TMEM120B: variants seen among roughly 807,000 people sequenced by gnomAD.
The protein encoded by TMEM120B is transmembrane protein 120B.
In TMEM120B, 31 loss-of-function variants were observed where a neutral mutation model predicts 55.5. That is an observed-to-expected ratio of 0.56 (90% CI 0.42 to 0.75). TMEM120B has a LOEUF of 0.75. Among genes scored for constraint, TMEM120B ranks in the 30% least tolerant of loss-of-function variants. The pLI is 0.00. For missense variants in TMEM120B, 399 were observed against 425.5 expected (o/e 0.94, Z 0.55); for synonymous variants, 203 against 176.3 (o/e 1.15, Z -1.20).
At position 121,781,271 on chromosome 12, in the gene TMEM120B, G is replaced by T; in HGVS notation, c.*5549G>T. ...TGACGGGTGAAGGGGAAGGGGCCAGGCAAGTGACCCTGCCTTAGGGCCTCA... is the reference window on the plus strand; with the variant it reads ...TGACGGGTGAAGGGGAAGGGGCCAGTCAAGTGACCCTGCCTTAGGGCCTCA... On this transcript the variant is annotated 3_prime_UTR_variant, in exon 12 of 12. Coordinates refer to ENST00000449592, the MANE Select transcript of TMEM120B (RefSeq NM_001080825.2). 7.6e-7 allele frequency: 1 copy of T among 1,319,838 alleles called. No homozygotes were observed. Among genetic ancestry groups the T allele is most frequent in the Non-Finnish European group, 1.1e-6 (1 of 929,050 alleles). The allele number at this position is 1,319,838 out of a possible 1,614,324, so 81.8% of individuals were successfully genotyped here. A position where few individuals can be genotyped will look rare whatever the true frequency, so the allele number is the denominator to read the frequency against.
In TMEM120B at chr12:121,770,099, G is replaced by A. The variant is rs373659760; in HGVS notation, c.552-808G>A. Among the ~76,000 whole-genome samples the A allele has an allele frequency of 3.9e-5, 6 of 152,268 alleles. No homozygotes were observed. The East Asian group carries it at 9.7e-4, about 25-fold the overall frequency. On this transcript the variant is annotated intron_variant, in intron 6 of 11. Coordinates refer to ENST00000449592, the MANE Select transcript of TMEM120B (RefSeq NM_001080825.2). Reference sequence around the variant, plus strand: ...AAGGCCCTGGGTGAGCCCGCTGGGTGTAGCTGTAGGAAGTACCGCCCGCCG... The same window carrying A: ...AAGGCCCTGGGTGAGCCCGCTGGGTATAGCTGTAGGAAGTACCGCCCGCCG...
intron 1 of TMEM120B, among the ~76,000 whole-genome samples, chr12:121,742,735 G>A (rs149627458): frequency 0.017 from 2,531 of 152,098 alleles, 41 homozygotes; most frequent in South Asian, 0.045. Context: ...ACAGACGCCC[G>A]CCTGGCTAAT....
chr12:121,719,648 C>T (rs553137371), intron 1 of TMEM120B, among the ~76,000 whole-genome samples: 63 of 151,892 alleles, frequency 4.1e-4, no homozygotes, highest in African/African-American at 1.4e-3. Flanking sequence ...AAATTGCTAA[C>T]GGGGGTAGTT....
At chr12:121,723,572 G>C (rs951083450) in intron 1 of TMEM120B, among the ~76,000 whole-genome samples, 2 of 152,138 alleles carry the variant, frequency 1.3e-5, no homozygotes, top group South Asian at 2.1e-4. Context: ...AGATACCCCA[G>C]CCTCTCTCTT....
chr12:121,747,097 G>T (rs921900996), intron 2 of TMEM120B, among the ~76,000 whole-genome samples: 3 of 152,240 alleles, frequency 2.0e-5, no homozygotes, highest in Admixed American at 6.5e-5. Context: ...GCTATTGTCT[G>T]TGAGGTAGGC....
intron 5 of TMEM120B, among the ~76,000 whole-genome samples, chr12:121,760,544 T>C (rs1385578151): frequency 6.6e-6 from 1 of 152,180 alleles, no homozygotes; most frequent in Non-Finnish European, 1.5e-5. Flanking sequence ...ATCCTTCCCT[T>C]TGCCAGTGGA....
Position 121,772,085 on chromosome 12 carries a change from TTC to T in TMEM120B, c.679+550_679+551del, listed in dbSNP as rs138202551. ...TTCCTTTCTTTTTCTTTCTTTCTCTTTCTCTCTCTCTCTCTTTCTCTCTTTCT... is the reference window on the plus strand; with the variant it reads ...TTCCTTTCTTTTTCTTTCTTTCTCTTTCTCTCTCTCTCTTTCTCTCTTTCT... On this transcript the variant is annotated intron_variant, in intron 8 of 11. Transcript: ENST00000449592. Among the ~76,000 whole-genome samples, 11 of 141,744 alleles carry T rather than the reference TTC, an allele frequency of 7.8e-5. No individual in the cohort carries two copies. In the South Asian group the frequency reaches 8.9e-4, roughly 12 times the overall value. 93.0% of individuals were successfully genotyped at this position (141,744 alleles called of 152,430 possible).
intron 1 of TMEM120B, among the ~76,000 whole-genome samples, chr12:121,729,600 G>A (rs1894957268): frequency 1.3e-5 from 2 of 151,146 alleles, no homozygotes; most frequent in African/African-American, 4.9e-5. Flanking sequence ...CAGCCCAGGA[G>A]TTGGAGATCA....
intron 6 of TMEM120B, among the ~76,000 whole-genome samples, chr12:121,762,227 C>T (rs373310995): frequency 3.4e-4 from 51 of 150,808 alleles, no homozygotes; most frequent in African/African-American, 2.9e-4. Context: ...GAGCTGAGAT[C>T]GCACCATTGC....
chr12:121,757,378 G>C (rs1384624020), intron 5 of TMEM120B, among the ~76,000 whole-genome samples: 2 of 151,934 alleles, frequency 1.3e-5, no homozygotes, highest in African/African-American at 4.8e-5. Flanking sequence ...GTCTCACTCT[G>C]TCTCCGAGGC....
chr12:121,771,518 C>A lies in TMEM120B; in HGVS notation c.648C>A (p.Arg216=), dbSNP rs1482188683. Reference sequence around the variant, plus strand: ...ATGGACCCATTTATCAGAAGTTTCGCAACCAGTTCTTAGCATTTTCCATTT... The same window carrying A: ...ATGGACCCATTTATCAGAAGTTTCGAAACCAGTTCTTAGCATTTTCCATTT... The part of the protein sequence containing the change: ...WPNGPIYQKF[R]NQFLAFSIFQ... Residue 216 remains arginine, a synonymous_variant, in exon 8 of 12, where the codon CGC becomes CGA. Transcript: ENST00000449592. 3 of 1,614,114 alleles carry A rather than the reference C, an allele frequency of 1.9e-6. No homozygotes were observed. The Admixed American group carries it at 5.0e-5, about 27-fold the overall frequency.
chr12:121,772,190 G>A (rs909909902), intron 8 of TMEM120B, among the ~76,000 whole-genome samples: 27 of 150,964 alleles, frequency 1.8e-4, no homozygotes, highest in African/African-American at 3.7e-4. Context: ...GTGCAGTGGC[G>A]CGATCTTGGC....
At chr12:121,717,603 C>A (rs1894723097) in intron 1 of TMEM120B, among the ~76,000 whole-genome samples, 1 of 152,152 alleles carries the variant, frequency 6.6e-6, no homozygotes, top group South Asian at 2.1e-4. Context: ...CTCATCTGTG[C>A]CCTGAGTACT....
chr12:121,733,271 G>T (rs1246188860), intron 1 of TMEM120B, among the ~76,000 whole-genome samples: 1 of 152,060 alleles, frequency 6.6e-6, no homozygotes, highest in African/African-American at 2.4e-5. Context: ...GAGAGAGAGA[G>T]TCTCGCTCTG....
rs1007583222 is a variant in TMEM120B at position 121,780,430 on chromosome 12, T to C, written c.*4708T>C. On this transcript the variant is annotated 3_prime_UTR_variant, in exon 12 of 12. Coordinates refer to ENST00000449592, the MANE Select transcript of TMEM120B (RefSeq NM_001080825.2). ...CTTTGCATTCCTTTTATTCTGTTTA[T>C]TCCCCCATGCCTCACCCAAAGAGTT... is the stretch of plus-strand genomic sequence containing the variant. 9.2e-5 allele frequency: 23 copies of C among 251,320 alleles called. No homozygotes were observed. Among genetic ancestry groups the C allele is most frequent in the African/African-American group, 4.7e-4 (21 of 45,000 alleles). The allele number at this position is 251,320 out of a possible 1,614,324, so 15.6% of individuals were successfully genotyped here.
At chr12:121,747,167 T>C (rs867565559) in intron 2 of TMEM120B, among the ~76,000 whole-genome samples, 2 of 152,012 alleles carry the variant, frequency 1.3e-5, no homozygotes, top group African/African-American at 4.8e-5. Context: ...AAGGACTTTC[T>C]GAAAGTCACA....
At chr12:121,752,274 G>C in intron 5 of TMEM120B, 51 bp downstream of exon 5, 2 of 1,528,934 alleles carry the variant, frequency 1.3e-6, no homozygotes, top group South Asian at 1.1e-5. Context: ...GACGTCAGGT[G>C]GGGGCCGGGA....
chr12:121,763,887 T>A (rs1873762507), intron 6 of TMEM120B, among the ~76,000 whole-genome samples: 1 of 152,076 alleles, frequency 6.6e-6, no homozygotes, highest in Non-Finnish European at 1.5e-5. Context: ...TTGTTTGCCT[T>A]GTGGTTTCGT....
intron 3 of TMEM120B, 40 bp from the exon 4 acceptor site, chr12:121,750,340 C>T (rs372052681): frequency 6.3e-7 from 1 of 1,594,266 alleles, no homozygotes; most frequent in Non-Finnish European, 8.6e-7. Flanking sequence ...TTCGCACCCA[C>T]CTGCTAAGGA....
Sources: gnomAD v4.1 joint callset for allele counts (sites outside exome capture counted in the v4.1 genomes callset) on GRCh38, gnomAD v4.1.1 for gene constraint, MANE v1.5 for transcripts, NCBI Gene and HGNC (gene_info 2026-07-23, HGNC 2026-07-21) for gene names.